MTA1: variants seen among roughly 807,000 people sequenced by gnomAD.
MTA1 encodes metastasis associated 1.
MTA1 carries 15 observed loss-of-function variants against 97.0 expected under a neutral mutation model. The ratio of observed to expected loss-of-function variants is 0.15; its 90% confidence interval spans 0.10 to 0.24. The LOEUF (loss-of-function observed/expected upper bound fraction) is 0.24. Ranked by LOEUF, MTA1 falls within the 10% of genes least tolerant of loss-of-function variation. The probability of loss-of-function intolerance (pLI) is 1.00; values close to 1 mark genes in which losing one functional copy is unlikely to be tolerated. For synonymous variants in MTA1, 435 were observed against 417.5 expected (o/e 1.04, Z -0.51); for missense variants, 709 against 1,015.1 (o/e 0.70, Z 4.10).
intron 3 of MTA1, 43 bp downstream of exon 3, chr14:105,445,554 C>A (rs111705415): frequency 1.9e-6 from 3 of 1,604,056 alleles, no homozygotes; most frequent in African/African-American, 2.7e-5. Context: ...GCGGGAGGGT[C>A]GGCTGGGGAG....
At chr14:105,434,764 G>A (rs1595294560) in intron 1 of MTA1, among the ~76,000 whole-genome samples, 1 of 152,150 alleles carries the variant, frequency 6.6e-6, no homozygotes, top group African/African-American at 2.4e-5. Context: ...GCCTCCCAAA[G>A]TGCTGGGATT....
At chr14:105,432,421 A>G (rs903713068) in intron 1 of MTA1, among the ~76,000 whole-genome samples, 1 of 151,804 alleles carries the variant, frequency 6.6e-6, no homozygotes, top group African/African-American at 2.4e-5. Context: ...TTGTATTTTT[A>G]GTGGAGATGA....
At chr14:105,467,432 G>C in intron 18 of MTA1, 1 of 455,950 alleles carries the variant, frequency 2.2e-6, no homozygotes, top group Non-Finnish European at 4.4e-6. Flanking sequence ...GTGGATATGG[G>C]TAGTGGCTGC....
chr14:105,469,071 T>G, intron 18 of MTA1: 1 of 450,244 alleles, frequency 2.2e-6, no homozygotes, highest in Non-Finnish European at 4.5e-6. Context: ...GGTGGGGCAG[T>G]GCCGGCCACA....
At chr14:105,451,320 C>T (rs1380194571) in intron 6 of MTA1, among the ~76,000 whole-genome samples, 1 of 152,264 alleles carries the variant, frequency 6.6e-6, no homozygotes. Context: ...AGTGGCTCAG[C>T]TAGGGCTGTG....
In MTA1 at chr14:105,466,566, A is replaced by G; in HGVS notation, c.1765A>G (p.Asn589Asp). 6.3e-7 allele frequency: 1 copy of G among 1,579,382 alleles called. No individual in the cohort carries two copies. ...ILGKRSYEQH[N>D]GVDGNMKKRL... ...GGGCAAGCGCAGCTACGAGCAGCACAACGGGGTGGACGGTGAGTGGCCCCC... is the reference window on the plus strand; with the variant it reads ...GGGCAAGCGCAGCTACGAGCAGCACGACGGGGTGGACGGTGAGTGGCCCCC... Residue 589 changes from asparagine (N) to aspartate (D), a missense_variant, in exon 17 of 21, where the codon AAC becomes GAC. By Grantham distance (23) the Asn-to-Asp change is conservative. Coordinates refer to ENST00000331320, the MANE Select transcript of MTA1 (RefSeq NM_004689.4).
rs2083455201 is a variant in MTA1, at chr14:105,463,834, G to A, written c.1077-198G>A. Reference sequence around the variant, plus strand: ...TGGGCTCCATGCTAGGGGGAGCACGGGGGCCTGGAGAACGGCTCAGACCTC... The same window carrying A: ...TGGGCTCCATGCTAGGGGGAGCACGAGGGCCTGGAGAACGGCTCAGACCTC... On this transcript the variant is annotated intron_variant, in intron 12 of 20. Coordinates refer to ENST00000331320, the MANE Select transcript of MTA1 (RefSeq NM_004689.4). The surrounding 1 kb of genome is among the most constrained non-coding windows in gnomAD (Gnocchi z 5.9). The A allele has an allele frequency of 1.5e-6, 1 of 655,800 alleles. No individual in the cohort carries two copies. The highest frequency in any genetic ancestry group is 2.7e-6 in the Non-Finnish European group (1 of 369,884). 40.6% of individuals were successfully genotyped at this position (655,800 alleles called of 1,614,324 possible).
Position 105,464,683 on chromosome 14 carries a change from G to A in MTA1, c.1354G>A (p.Gly452Ser), listed in dbSNP as rs149945645. ...GPNRSNMSPH[G>S]LPARSSGSPK... ...GCGCCCCCTTCCGCAGAGTCCCCACGGCCTCCCAGCCCGGAGCAGCGGGAG... is the reference window on the plus strand; with the variant it reads ...GCGCCCCCTTCCGCAGAGTCCCCACAGCCTCCCAGCCCGGAGCAGCGGGAG... Residue 452 changes from glycine (G) to serine (S), a missense_variant, in exon 15 of 21, where the codon GGC (glycine) becomes AGC (serine). Physicochemically the swap from Gly to Ser is moderately conservative, Grantham distance 56 (BLOSUM62 0). Transcript: ENST00000331320. 34 of 1,603,438 alleles carry A rather than the reference G, an allele frequency of 2.1e-5. No homozygotes were observed. The highest frequency in any genetic ancestry group is 1.5e-4 in the African/African-American group (11 of 74,744).
chr14:105,430,304 CAG>C (rs2082140773), intron 1 of MTA1, among the ~76,000 whole-genome samples: 3 of 152,212 alleles, frequency 2.0e-5, no homozygotes, highest in Admixed American at 6.6e-5. Context: ...TGTTGTGTCT[CAG>C]GGAATAGAGA....
At chr14:105,421,025 G>T (rs587761641) in intron 1 of MTA1, among the ~76,000 whole-genome samples, 5 of 152,336 alleles carry the variant, frequency 3.3e-5, no homozygotes, top group African/African-American at 1.2e-4. Context: ...GACCCCGAGT[G>T]CCCAGAACAC....
intron 1 of MTA1, among the ~76,000 whole-genome samples, chr14:105,431,963 C>T (rs587730246): frequency 6.6e-6 from 1 of 152,274 alleles, no homozygotes; most frequent in Admixed American, 6.5e-5. Flanking sequence ...CTTATTGAAC[C>T]AGTAGTGTCA....
chr14:105,456,107 G>T lies in MTA1; in HGVS notation c.550+1797G>T, dbSNP rs1242784250. ...GGTCTGGGCCTGTGGCCTCCAGGGT[G>T]CCCTGCTATCATGCCAGGGTCTCCC... On this transcript the variant is annotated intron_variant, in intron 7 of 20. Transcript: ENST00000331320. Among the ~76,000 whole-genome samples, 4 of 152,380 alleles carry T rather than the reference G, an allele frequency of 2.6e-5. No individual in the cohort carries two copies. The East Asian group carries it at 7.7e-4, about 29-fold the overall frequency.
rs781886068 is a variant in MTA1, at chr14:105,463,642, A to T, written c.1076+91A>T. The T allele has an allele frequency of 3.7e-6, 5 of 1,333,392 alleles. No individual in the cohort carries two copies. The highest frequency in any genetic ancestry group is 5.3e-6 in the Non-Finnish European group (5 of 938,586). The allele number at this position is 1,333,392 out of a possible 1,614,324, so 82.6% of individuals were successfully genotyped here. ...CTGGGGCCAGGCGGGTCCCAAGGAAACTCAAGCTCAGAGGCTGGGAAAGTT... is the reference window on the plus strand; with the variant it reads ...CTGGGGCCAGGCGGGTCCCAAGGAATCTCAAGCTCAGAGGCTGGGAAAGTT... On this transcript the variant is annotated intron_variant, in intron 12 of 20. Coordinates refer to ENST00000331320, the MANE Select transcript of MTA1 (RefSeq NM_004689.4). This position sits in a 1 kb window ranked among gnomAD's most constrained non-coding sequence, Gnocchi z 5.9.
chr14:105,453,266 C>T (rs2083013987), intron 6 of MTA1, among the ~76,000 whole-genome samples: 1 of 152,282 alleles, frequency 6.6e-6, no homozygotes. Flanking sequence ...GCGGTGGCCG[C>T]TCCTCCAAGG....
chr14:105,466,589 CCCCCGCCCGGTGAGTGTGGCCCT>C lies in MTA1; in HGVS notation c.1777+27_1777+49del, dbSNP rs781860226. On this transcript the variant is annotated intron_variant, in intron 17 of 20. Coordinates refer to ENST00000331320, the MANE Select transcript of MTA1 (RefSeq NM_004689.4). The stretch of plus-strand genomic sequence containing the variant: ...ACAACGGGGTGGACGGTGAGTGGCC[CCCCCGCCCGGTGAGTGTGGCCCT>C]CCCCGCCCGGTGAGTCCGGCCCGTC... The C allele has an allele frequency of 2.8e-4, 445 of 1,567,224 alleles. No individual in the cohort carries two copies. The highest frequency in any genetic ancestry group is 2.1e-3 in the African/African-American group (158 of 73,866).
At chr14:105,459,078 T>C (rs374068036) in intron 8 of MTA1, among the ~76,000 whole-genome samples, 203 of 85,068 alleles carry the variant, frequency 2.4e-3, no homozygotes, top group Middle Eastern at 8.6e-3. Flanking sequence ...GGGGAGTCCG[T>C]GCTGCCCATG....
In MTA1 at chr14:105,458,383, C is replaced by T; in HGVS notation, c.653+11C>T. On this transcript the variant is annotated intron_variant, in intron 8 of 20. Coordinates refer to ENST00000331320, the MANE Select transcript of MTA1 (RefSeq NM_004689.4). The stretch of plus-strand genomic sequence containing the variant: ...CCTGGTGGTGGCCCGGTGAGTCCTG[C>T]TCCTGGGCAAGGCCAGCAGGGGTGG... 1 of 1,610,972 alleles carries T rather than the reference C, an allele frequency of 6.2e-7. No individual in the cohort carries two copies. Among genetic ancestry groups the T allele is most frequent in the East Asian group, 2.2e-5 (1 of 44,858 alleles).
chr14:105,451,032 A>G (rs905363001), intron 6 of MTA1, among the ~76,000 whole-genome samples: 7 of 152,204 alleles, frequency 4.6e-5, no homozygotes, highest in Non-Finnish European at 1.0e-4. Context: ...CTCCAGGCCT[A>G]GGGCTTGGCC....
intron 1 of MTA1, among the ~76,000 whole-genome samples, chr14:105,421,835 G>A (rs923123667): frequency 5.9e-5 from 9 of 152,210 alleles, no homozygotes; most frequent in East Asian, 1.9e-4. Flanking sequence ...GTGGGGCTGC[G>A]CCGCCCTCCC....
Sources: allele counts gnomAD v4.1 joint callset (sites outside exome capture counted in the v4.1 genomes callset), GRCh38; gene constraint gnomAD v4.1.1; non-coding constraint Gnocchi (gnomAD v3.1); transcripts MANE v1.5; gene names NCBI Gene and HGNC (gene_info 2026-07-23, HGNC 2026-07-21).